The following DLK1 variants were observed in gnomAD, a reference collection of about 807,000 sequenced individuals.
The protein encoded by DLK1 is protein delta homolog 1.
A neutral mutation model predicts 35.2 loss-of-function variants in DLK1; 9 were observed. The ratio of observed to expected loss-of-function variants is 0.26; its 90% confidence interval spans 0.15 to 0.45. The LOEUF is 0.45. Ranked by LOEUF, DLK1 falls within the 20% of genes least tolerant of loss-of-function variation. The probability of loss-of-function intolerance (pLI) is 1.00; values close to 1 mark genes in which losing one functional copy is unlikely to be tolerated. For synonymous variants in DLK1, 231 were observed against 228.4 expected (o/e 1.01, Z -0.10); for missense variants, 522 against 528.5 (o/e 0.99, Z 0.12).
At position 100,728,404 on chromosome 14, in the gene DLK1, T is replaced by G; in HGVS notation, c.76T>G (p.Cys26Gly). The G allele has an allele frequency of 6.2e-7, 1 of 1,613,706 alleles. No individual in the cohort carries two copies. Among genetic ancestry groups the G allele is most frequent in the Non-Finnish European group, 8.5e-7 (1 of 1,179,804 alleles). Reference protein sequence around the residue: ...AFGHSTYGAECFPACNPQNGF... With the variant: ...AFGHSTYGAEGFPACNPQNGF... ...CCTTTCTTGTACCTCAGGGGCTGAATGCTTCCCGGCCTGCAACCCCCAAAA... is the reference window on the plus strand; with the variant it reads ...CCTTTCTTGTACCTCAGGGGCTGAAGGCTTCCCGGCCTGCAACCCCCAAAA... Residue 26 changes from cysteine (C) to glycine (G), a missense_variant, in exon 2 of 5, where the codon TGC becomes GGC. Transcript: ENST00000341267.
In DLK1 at chr14:100,734,156, T is replaced by C; in HGVS notation, c.412T>C (p.Cys138Arg). Residue 138 changes from cysteine (C) to arginine (R), a missense_variant, in exon 5 of 5, where the codon TGC becomes CGC. Coordinates refer to ENST00000341267, the MANE Select transcript of DLK1 (RefSeq NM_003836.7). The surrounding 1 kb of genome is among the most constrained non-coding windows in gnomAD (Gnocchi z 7.4). ...DGPCVINGSP[C>R]QHGGTCVDDE... Reference sequence around the variant, plus strand: ...GTCCCTGTTGTGTTGCAGCTCCCCCTGCCAGCACGGAGGCACCTGCGTGGA... The same window carrying C: ...GTCCCTGTTGTGTTGCAGCTCCCCCCGCCAGCACGGAGGCACCTGCGTGGA... 2 of 1,604,264 alleles carry C rather than the reference T, an allele frequency of 1.2e-6. No individual in the cohort carries two copies. The highest frequency in any genetic ancestry group is 8.5e-7 in the Non-Finnish European group (1 of 1,175,486).
intron 2 of DLK1, 94 bp from the exon 3 acceptor site, chr14:100,728,842 C>A: frequency 6.6e-7 from 1 of 1,519,304 alleles, no homozygotes; most frequent in Non-Finnish European, 8.9e-7. Context: ...GCAAAGACCC[C>A]CAAGGGTCCT....
chr14:100,728,529 C>A, intron 2 of DLK1, 70 bp downstream of exon 2: 1 of 1,554,160 alleles, frequency 6.4e-7, no homozygotes, highest in Admixed American at 1.7e-5. Context: ...TGAAGTCAGG[C>A]AGAAAAAAAT....
chr14:100,734,620 C>T lies in DLK1; in HGVS notation c.876C>T (p.Leu292=), dbSNP rs1413733690. Residue 292 remains leucine (L), a synonymous_variant, in exon 5 of 5, where the codon CTC becomes CTT. Coordinates refer to ENST00000341267, the MANE Select transcript of DLK1 (RefSeq NM_003836.7). This position sits in a 1 kb window ranked among gnomAD's most constrained non-coding sequence, Gnocchi z 7.4. ...TCCTGAAGGTGTCCATGAAAGAGCT[C>T]AACAAGAAAACCCCTCTCCTCACCG... ...HRILKVSMKE[L]NKKTPLLTEG... is the part of the protein sequence containing the mutation. 6.2e-7 allele frequency: 1 copy of T among 1,613,986 alleles called. No individual in the cohort carries two copies. Among genetic ancestry groups the T allele is most frequent in the Non-Finnish European group, 8.5e-7 (1 of 1,180,042 alleles).
rs2036567225 is a variant in DLK1 at position 100,735,884 on chromosome 14, C to G, written c.*988C>G. ...CCCTCCCCCACCCCTCTTTGCCCAC[C>G]CAGAACCCCAACACTATACCTGCCT... On this transcript the variant is annotated 3_prime_UTR_variant, in exon 5 of 5. Transcript: ENST00000341267. The G allele has an allele frequency of 6.6e-6, 1 of 152,030 alleles. No individual in the cohort carries two copies. The highest frequency in any genetic ancestry group is 2.1e-4 in the South Asian group (1 of 4,816). 9.4% of individuals were successfully genotyped at this position (152,030 alleles called of 1,614,324 possible). A position where few individuals can be genotyped will look rare whatever the true frequency, so the allele number is the denominator to read the frequency against.
chr14:100,733,392 T>TC (rs2036531333), intron 4 of DLK1, among the ~76,000 whole-genome samples: 1 of 152,172 alleles, frequency 6.6e-6, no homozygotes, highest in African/African-American at 2.4e-5. Flanking sequence ...CATTAAATGC[T>TC]CCTTGTACTC....
At position 100,735,274 on chromosome 14, in the gene DLK1, C is replaced by T. The variant is rs535625574; in HGVS notation, c.*378C>T. The T allele has an allele frequency of 9.2e-4, 170 of 185,662 alleles. No individual in the cohort carries two copies. The highest frequency in any genetic ancestry group is 1.4e-3 in the Non-Finnish European group (125 of 90,556). The allele number at this position is 185,662 out of a possible 1,614,324, so 11.5% of individuals were successfully genotyped here. ...CCACATGGTCCTCGTGAAACCGTTACGAGTGCTGTACATGACCACCCACTG... is the reference window on the plus strand; with the variant it reads ...CCACATGGTCCTCGTGAAACCGTTATGAGTGCTGTACATGACCACCCACTG... On this transcript the variant is annotated 3_prime_UTR_variant, in exon 5 of 5. Transcript: ENST00000341267.
intron 2 of DLK1, 95 bp downstream of exon 2, chr14:100,728,554 C>G: frequency 7.4e-7 from 1 of 1,356,144 alleles, no homozygotes; most frequent in Non-Finnish European, 1.0e-6. Flanking sequence ...GGCTTGGCCA[C>G]TACGCTGCAG....
Position 100,734,926 on chromosome 14 carries a change from T to G in DLK1, c.*30T>G. 6.5e-7 allele frequency: 1 copy of G among 1,539,292 alleles called. No individual in the cohort carries two copies. ...CGTTCCCACAGCCCCCTCTAGATTCTTGGAGTTCCGCAGAGCTTACTATAC... is the reference window on the plus strand; with the variant it reads ...CGTTCCCACAGCCCCCTCTAGATTCGTGGAGTTCCGCAGAGCTTACTATAC... On this transcript the variant is annotated 3_prime_UTR_variant, in exon 5 of 5. Coordinates refer to ENST00000341267, the MANE Select transcript of DLK1 (RefSeq NM_003836.7). The surrounding 1 kb of genome is among the most constrained non-coding windows in gnomAD (Gnocchi z 7.4).
chr14:100,727,787 A>G (rs1220661027), intron 1 of DLK1, among the ~76,000 whole-genome samples: 1 of 152,032 alleles, frequency 6.6e-6, no homozygotes, highest in Non-Finnish European at 1.5e-5. Context: ...ATCTCTAAGC[A>G]GTGTTGTTGC....
In DLK1 at chr14:100,734,222, C is replaced by T. The variant is rs755214846; in HGVS notation, c.478C>T (p.Pro160Ser). The stretch of plus-strand genomic sequence containing the variant: ...CTCCCATGCCTCCTGCCTGTGCCCC[C>T]CTGGCTTCTCAGGCAATTTCTGCGA... ...RASHASCLCP[P>S]GFSGNFCEIV... The change falls in exon 5 of 5, where the codon CCT becomes TCT. Residue 160 changes from proline to serine, a missense_variant. Coordinates refer to ENST00000341267, the MANE Select transcript of DLK1 (RefSeq NM_003836.7). This position sits in a 1 kb window ranked among gnomAD's most constrained non-coding sequence, Gnocchi z 7.4. 11 of 1,613,234 alleles carry T rather than the reference C, an allele frequency of 6.8e-6. 1 individual carries two copies. The South Asian group carries it at 7.7e-5, about 11-fold the overall frequency.
chr14:100,731,138 G>T (rs2036502244), intron 3 of DLK1, among the ~76,000 whole-genome samples: 1 of 152,152 alleles, frequency 6.6e-6, no homozygotes, highest in South Asian at 2.1e-4. Context: ...GCCCAGAATG[G>T]GTAGGAGCTG....
At chr14:100,731,674 G>A (rs1315248089) in intron 3 of DLK1, among the ~76,000 whole-genome samples, 2 of 152,318 alleles carry the variant, frequency 1.3e-5, no homozygotes, top group East Asian at 3.9e-4. Flanking sequence ...AGTCTTGTCT[G>A]GTGGAGACAG....
At chr14:100,733,913 C>T (rs1392068248) in intron 4 of DLK1, among the ~76,000 whole-genome samples, 2 of 130,976 alleles carry the variant, frequency 1.5e-5, no homozygotes, top group Non-Finnish European at 3.2e-5. Flanking sequence ...GGTGGGCACC[C>T]ACCCACCCAC....
Position 100,734,313 on chromosome 14 carries a change from G to T in DLK1, c.569G>T (p.Gly190Val), listed in dbSNP as rs778128598. 12 of 1,613,178 alleles carry T rather than the reference G, an allele frequency of 7.4e-6. No individual in the cohort carries two copies. The East Asian group carries it at 2.5e-4, about 33-fold the overall frequency. ...GACGGCGTCTGCACTGACATTGGGG[G>T]CGACTTCCGCTGCCGGTGCCCAGCC... ...ENDGVCTDIG[G>V]DFRCRCPAGF... is the part of the protein sequence containing the mutation. Residue 190 changes from glycine to valine, a missense_variant, in exon 5 of 5, where the codon GGC becomes GTC. Coordinates refer to ENST00000341267, the MANE Select transcript of DLK1 (RefSeq NM_003836.7). The surrounding 1 kb of genome is among the most constrained non-coding windows in gnomAD (Gnocchi z 7.4).
At position 100,734,831 on chromosome 14, in the gene DLK1, A is replaced by G; in HGVS notation, c.1087A>G (p.Ile363Val). The change falls in exon 5 of 5, where the codon ATC becomes GTC. Residue 363 changes from isoleucine (I) to valine (V), a missense_variant. Transcript: ENST00000341267. This position sits in a 1 kb window ranked among gnomAD's most constrained non-coding sequence, Gnocchi z 7.4. The part of the protein sequence containing the change: ...YNSGEDLAVN[I>V]IFPEKIDMTT... ...CAGCGGGGAGGACCTGGCCGTCAACATCATCTTCCCCGAGAAGATCGACAT... is the reference window on the plus strand; with the variant it reads ...CAGCGGGGAGGACCTGGCCGTCAACGTCATCTTCCCCGAGAAGATCGACAT... The G allele has an allele frequency of 3.7e-6, 6 of 1,613,226 alleles. No individual in the cohort carries two copies. Among genetic ancestry groups the G allele is most frequent in the Non-Finnish European group, 5.1e-6 (6 of 1,179,798 alleles).
intron 4 of DLK1, among the ~76,000 whole-genome samples, chr14:100,733,313 C>A (rs2036530427): frequency 6.6e-6 from 1 of 152,216 alleles, no homozygotes; most frequent in Admixed American, 6.5e-5. Flanking sequence ...CTTGTGTTTA[C>A]TGCCCCTTCT....
Position 100,734,964 on chromosome 14 carries a change from A to C in DLK1, c.*68A>C. 1 of 1,501,314 alleles carries C rather than the reference A, an allele frequency of 6.7e-7. No individual in the cohort carries two copies. The highest frequency in any genetic ancestry group is 8.8e-7 in the Non-Finnish European group (1 of 1,131,678). 93.0% of individuals were successfully genotyped at this position (1,501,314 alleles called of 1,614,324 possible). On this transcript the variant is annotated 3_prime_UTR_variant, in exon 5 of 5. Transcript: ENST00000341267. The surrounding 1 kb of genome is among the most constrained non-coding windows in gnomAD (Gnocchi z 7.4). Reference sequence around the variant, plus strand: ...GAGCTTACTATACGCGGTCTGTCCTAATCTTTGTGGTGTTCGCTATCTCTT... The same window carrying C: ...GAGCTTACTATACGCGGTCTGTCCTCATCTTTGTGGTGTTCGCTATCTCTT...
intron 1 of DLK1, among the ~76,000 whole-genome samples, chr14:100,727,786 C>T (rs938348782): frequency 2.0e-5 from 3 of 152,038 alleles, no homozygotes; most frequent in Non-Finnish European, 4.4e-5. Flanking sequence ...AATCTCTAAG[C>T]AGTGTTGTTG....
Sources: allele counts gnomAD v4.1 joint callset (sites outside exome capture counted in the v4.1 genomes callset), GRCh38; gene constraint gnomAD v4.1.1; non-coding constraint Gnocchi (gnomAD v3.1); transcripts MANE v1.5; gene names NCBI Gene and HGNC (gene_info 2026-07-23, HGNC 2026-07-21).